The following CASK variants were observed in gnomAD, a reference collection of about 807,000 sequenced individuals.
CASK encodes peripheral plasma membrane protein CASK.
CASK carries 4 observed loss-of-function variants against 82.9 expected under a neutral mutation model. The observed-to-expected ratio is 0.05, with a 90% confidence interval of 0.02 to 0.11. The LOEUF (loss-of-function observed/expected upper bound fraction) is 0.11, where lower values mean the gene tolerates loss of function less well. Among genes scored for constraint, CASK ranks in the 10% least tolerant of loss-of-function variants. CASK has a pLI of 1.00. For missense variants in CASK, 358 were observed against 720.9 expected, an observed-to-expected ratio of 0.50 and a Z score of 5.76; for synonymous variants, 259 against 253.5, an observed-to-expected ratio of 1.02 and a Z score of -0.20.
rs2068674133 is a variant in CASK, at chrX:41,745,605, T to C, written c.279-4A>G. On this transcript the variant is annotated splice_polypyrimidine_tract_variant and splice_region_variant and intron_variant, in intron 3 of 26. Coordinates refer to ENST00000378163, the MANE Select transcript of CASK (RefSeq NM_001367721.1). ...ACACAGATCTGCTCCATCCATACTGTAAAAAAATGTGAAAAAGAACATAAG... is the reference window on the plus strand; with the variant it reads ...ACACAGATCTGCTCCATCCATACTGCAAAAAAATGTGAAAAAGAACATAAG... 2 of 1,167,116 alleles carry C rather than the reference T, an allele frequency of 1.7e-6. No homozygotes were observed. The highest frequency in any genetic ancestry group is 2.3e-6 in the Non-Finnish European group (2 of 857,036).
intron 7 of CASK, among the ~76,000 whole-genome samples, chrX:41,660,977 T>C (rs924930199): frequency 1.8e-5 from 2 of 112,002 alleles, no homozygotes; most frequent in African/African-American, 6.5e-5. Flanking sequence ...AATTGTGAAC[T>C]GTGCAAAGTT....
At chrX:41,831,838 G>A (rs1422107167) in intron 2 of CASK, among the ~76,000 whole-genome samples, 1 of 111,093 alleles carries the variant, frequency 9.0e-6, no homozygotes, top group African/African-American at 3.3e-5. Context: ...GTGCACGCCT[G>A]TAATCCCAGC....
intron 1 of CASK, among the ~76,000 whole-genome samples, chrX:41,911,128 A>T (rs1214192620): frequency 2.7e-5 from 3 of 111,881 alleles, no homozygotes; most frequent in East Asian, 2.8e-4. Flanking sequence ...CAAAATTTTT[A>T]AAAAATTTAT....
chrX:41,517,666 A>G lies in CASK; in HGVS notation c.*2754T>C. On this transcript the variant is annotated 3_prime_UTR_variant, in exon 27 of 27. Transcript: ENST00000378163. ...ACTCTAAACATTCATTCTGGTCTTT[A>G]AAAGAAAGAAAGAAAAAAAAAGGTT... is the stretch of plus-strand genomic sequence containing the variant. The G allele has an allele frequency of 2.2e-6, 1 of 458,807 alleles. No individual in the cohort carries two copies. The highest frequency in any genetic ancestry group is 3.0e-5 in the South Asian group (1 of 33,328). The allele number at this position is 458,807 out of a possible 1,213,427, so 37.8% of individuals were successfully genotyped here. A position where few individuals can be genotyped will look rare whatever the true frequency, so the allele number is the denominator to read the frequency against.
chrX:41,669,822 T>C (rs1452943032), intron 6 of CASK, among the ~76,000 whole-genome samples: 1 of 111,720 alleles, frequency 9.0e-6, no homozygotes, highest in Non-Finnish European at 1.9e-5. Flanking sequence ...AGTTAGAGTG[T>C]TCAGTTCAGG....
intron 5 of CASK, among the ~76,000 whole-genome samples, chrX:41,709,667 A>G (rs2067940621): frequency 9.0e-6 from 1 of 111,375 alleles, no homozygotes; most frequent in Non-Finnish European, 1.9e-5. Context: ...AATTATATGA[A>G]TATATATATA....
chrX:41,678,123 T>C (rs778896659), intron 5 of CASK, among the ~76,000 whole-genome samples: 20 of 112,215 alleles, frequency 1.8e-4, no homozygotes, highest in Non-Finnish European at 3.6e-4. Flanking sequence ...TCAGTTTTCC[T>C]TGATTGTCTC....
chrX:41,838,213 TTGCATTTCCCTA>T (rs1454144827), intron 2 of CASK, among the ~76,000 whole-genome samples: 3 of 111,973 alleles, frequency 2.7e-5, no homozygotes, highest in African/African-American at 9.7e-5. Flanking sequence ...TGGCTTTAAT[TTGCATTTCCCTA>T]ATGGATAATG....
At chrX:41,694,150 G>T (rs2067634202) in intron 5 of CASK, among the ~76,000 whole-genome samples, 1 of 112,195 alleles carries the variant, frequency 8.9e-6, no homozygotes, top group South Asian at 3.7e-4. Flanking sequence ...TTAATCAAAA[G>T]GTGTTTATTA....
At position 41,827,743 on chromosome X, in the gene CASK, A is replaced by G. The variant is rs150733196; in HGVS notation, c.172+25372T>C. On this transcript the variant is annotated intron_variant, in intron 2 of 26. Coordinates refer to ENST00000378163, the MANE Select transcript of CASK (RefSeq NM_001367721.1). Reference sequence around the variant, plus strand: ...AGAAAAGATGGTAACTTCCTTGAACATGTTTGGTTTTTTATTTAAAGGTTT... The same window carrying G: ...AGAAAAGATGGTAACTTCCTTGAACGTGTTTGGTTTTTTATTTAAAGGTTT... 1.2e-4 allele frequency among the ~76,000 whole-genome samples: 14 copies of G among 112,068 alleles called. No individual in the cohort carries two copies. The East Asian group carries it at 3.9e-3, about 31-fold the overall frequency.
At chrX:41,614,722 T>C (rs908603993) in intron 11 of CASK, among the ~76,000 whole-genome samples, 1 of 111,799 alleles carries the variant, frequency 8.9e-6, no homozygotes, top group Non-Finnish European at 1.9e-5. Flanking sequence ...GGTTTCACCA[T>C]GTTGGTCAGG....
At chrX:41,792,020 C>T (rs183755661) in intron 2 of CASK, among the ~76,000 whole-genome samples, 3 of 111,127 alleles carry the variant, frequency 2.7e-5, no homozygotes, top group African/African-American at 9.8e-5. Context: ...TGCCATATGG[C>T]ATTAGAATGA....
At chrX:41,807,627 C>T (rs2070149937) in intron 2 of CASK, among the ~76,000 whole-genome samples, 1 of 110,984 alleles carries the variant, frequency 9.0e-6, no homozygotes, top group Non-Finnish European at 1.9e-5. Context: ...TTATCTGGCT[C>T]ACTGTTGTGG....
intron 3 of CASK, among the ~76,000 whole-genome samples, chrX:41,769,569 G>A (rs1342211448): frequency 1.8e-5 from 2 of 110,820 alleles, no homozygotes; most frequent in African/African-American, 6.6e-5. Context: ...CATCTAGGTG[G>A]CACTGAAAAT....
chrX:41,697,973 T>C (rs2067721424), intron 5 of CASK: 1 of 110,437 alleles, frequency 9.1e-6, no homozygotes, highest in Non-Finnish European at 1.9e-5. Flanking sequence ...GGCTACTTTT[T>C]GGATTTTTAG....
At chrX:41,529,073 C>G (rs2064757659) in intron 25 of CASK, among the ~76,000 whole-genome samples, 1 of 112,272 alleles carries the variant, frequency 8.9e-6, no homozygotes, top group South Asian at 3.7e-4. Flanking sequence ...CCCAAAGAGA[C>G]TCAGGCAGCC....
intron 9 of CASK, among the ~76,000 whole-genome samples, chrX:41,633,055 A>AT (rs200630246): frequency 3.4e-5 from 3 of 88,908 alleles, no homozygotes; most frequent in Admixed American, 1.2e-4. Flanking sequence ...AAAAAAAAAA[A>AT]AAATAATAAT....
intron 5 of CASK, among the ~76,000 whole-genome samples, chrX:41,673,858 C>T (rs1199257396): frequency 2.0e-5 from 2 of 98,029 alleles, no homozygotes; most frequent in African/African-American, 7.6e-5. Flanking sequence ...TTTTTGCCTC[C>T]CATCATCAAT....
intron 5 of CASK, among the ~76,000 whole-genome samples, chrX:41,707,010 C>T (rs1327163628): frequency 8.9e-6 from 1 of 111,878 alleles, no homozygotes. Context: ...AGAGCCAATT[C>T]ACTGCATTTC....
Sources: gnomAD v4.1 joint callset for allele counts (sites outside exome capture counted in the v4.1 genomes callset) on GRCh38, gnomAD v4.1.1 for gene constraint, MANE v1.5 for transcripts, NCBI Gene and HGNC (gene_info 2026-07-23, HGNC 2026-07-21) for gene names.